Variants in TECTA observed in about 807,000 individuals in gnomAD.
TECTA encodes tectorin alpha.
Under a neutral mutation model 216.8 loss-of-function variants are expected in TECTA, and 128 were observed. The observed-to-expected ratio is 0.59, with a 90% CI of 0.51 to 0.68. TECTA has a LOEUF of 0.68. TECTA is among the 30% of genes least tolerant of loss of function. The pLI is 0.00. For missense variants in TECTA, 2,551 were observed against 2,786.2 expected (o/e 0.92, Z 1.90); for synonymous variants, 1,089 against 1,117.1 (o/e 0.97, Z 0.50).
At position 121,128,317 on chromosome 11, in the gene TECTA, A is replaced by G. The variant is rs761016058; in HGVS notation, c.2340A>G (p.Ile780Met). ...TGGTGGCCGACCAGGAGGTCAAGAT[A>G]GGAGGCATCGGGGCTTCGGAAGTCA... ...RILVADQEVK[I>M]GGIGASEVKL... Residue 780 changes from isoleucine to methionine, a missense_variant, in exon 9 of 24, where the codon ATA (isoleucine) becomes ATG (methionine). Physicochemically the swap from Ile to Met is conservative, Grantham distance 10 (BLOSUM62 1). Coordinates refer to ENST00000392793, the MANE Select transcript of TECTA (RefSeq NM_005422.4). 2.5e-6 allele frequency: 4 copies of G among 1,599,702 alleles called. 1 individual carries two copies. The South Asian group carries it at 4.4e-5, about 18-fold the overall frequency.
chr11:121,128,885 G>A (rs1418017489), intron 9 of TECTA, among the ~76,000 whole-genome samples: 1 of 152,148 alleles, frequency 6.6e-6, no homozygotes, highest in African/African-American at 2.4e-5. Context: ...CCATCATTAG[G>A]CACCCAGACT....
At position 121,128,097 on chromosome 11, in the gene TECTA, C is replaced by T; in HGVS notation, c.2120C>T (p.Pro707Leu). The change falls in exon 9 of 24, where the codon CCC becomes CTC. Residue 707 changes from proline to leucine, a missense_variant. Physicochemically the swap from Pro to Leu is moderately conservative, Grantham distance 98. Around this residue, in one of 3 missense-constraint regions of TECTA, gnomAD observed 2,375 missense variants for 2,563.9 expected, o/e 0.93. Coordinates refer to ENST00000392793, the MANE Select transcript of TECTA (RefSeq NM_005422.4). ...GAGGACGGCTACCAGGGCTGCTTCC[C>T]CAAGCGGGAGACCGTGTGCCTGCTC... ...AVEDGYQGCF[P>L]KRETVCLLSQ... 1.2e-6 allele frequency: 2 copies of T among 1,612,858 alleles called. No individual in the cohort carries two copies. Among genetic ancestry groups the T allele is most frequent in the Non-Finnish European group, 1.7e-6 (2 of 1,179,672 alleles).
rs529337686 is a variant in TECTA at position 121,127,629 on chromosome 11, C to A, written c.1775-123C>A. 3 of 1,107,358 alleles carry A rather than the reference C, an allele frequency of 2.7e-6. No individual in the cohort carries two copies. In the East Asian group the frequency reaches 7.1e-5, roughly 26 times the overall value. 68.6% of individuals were successfully genotyped at this position (1,107,358 alleles called of 1,614,324 possible). A position where few individuals can be genotyped will look rare whatever the true frequency, so the allele number is the denominator to read the frequency against. ...GATACAACCTCAATTCTGTCTTCCC[C>A]GAGTGGCCGCTTGACCCTCACTCTA... On this transcript the variant is annotated intron_variant, in intron 8 of 23. Transcript: ENST00000392793. This position sits in a 1 kb window ranked among gnomAD's most constrained non-coding sequence, Gnocchi z 5.0.
Position 121,166,653 on chromosome 11 carries a change from T to C in TECTA, c.5459T>C (p.Leu1820Pro), listed in dbSNP as rs1396045911. The C allele has an allele frequency of 6.2e-7, 1 of 1,614,038 alleles. No individual in the cohort carries two copies. Among genetic ancestry groups the C allele is most frequent in the African/African-American group, 1.3e-5 (1 of 74,896 alleles). ...GAAGTGTCCATATCTAAGTGCAAGC[T>C]CTTCCAGCTCGGTTTTGAGAGGGAG... Reference protein sequence around the residue: ...QMEVSISKCKLFQLGFEREGV... With the variant: ...QMEVSISKCKPFQLGFEREGV... Residue 1820 changes from leucine to proline, a missense_variant, in exon 18 of 24, where the codon CTC becomes CCC. By Grantham distance (98) the Leu-to-Pro change is moderately conservative. Transcript: ENST00000392793.
intron 12 of TECTA, chr11:121,146,342 C>A (rs1287743817): frequency 2.5e-5 from 15 of 593,030 alleles, no homozygotes; most frequent in Non-Finnish European, 4.2e-5. Context: ...TCATGGGTTA[C>A]CCTGAGGATG....
At chr11:121,167,995 A>G (rs1947071725) in intron 18 of TECTA, 59 bp from the exon 19 acceptor site, 1 of 1,596,574 alleles carries the variant, frequency 6.3e-7, no homozygotes, top group Non-Finnish European at 8.6e-7. Flanking sequence ...TGGATTTGAT[A>G]TGCAAGCTAC....
intron 20 of TECTA, among the ~76,000 whole-genome samples, chr11:121,185,466 A>G (rs1947275254): frequency 7.1e-6 from 1 of 141,596 alleles, no homozygotes; most frequent in East Asian, 2.0e-4. Flanking sequence ...TGCTTAATGA[A>G]TGAGTAGGGA....
Position 121,145,443 on chromosome 11 carries a change from A to C in TECTA, c.3544-112A>C, listed in dbSNP as rs1352381135. On this transcript the variant is annotated intron_variant, in intron 11 of 23. Transcript: ENST00000392793. ...ACAGTACATGCAAAGACTGCATTCA[A>C]CCTGCTCAAACTTCCCTCTGGGACT... is the stretch of plus-strand genomic sequence containing the variant. 3 of 1,110,046 alleles carry C rather than the reference A, an allele frequency of 2.7e-6. No homozygotes were observed. In the Admixed American group the frequency reaches 5.1e-5, roughly 19 times the overall value. The allele number at this position is 1,110,046 out of a possible 1,614,324, so 68.8% of individuals were successfully genotyped here. A position where few individuals can be genotyped will look rare whatever the true frequency, so the allele number is the denominator to read the frequency against.
At chr11:121,151,284 G>A (rs1437437836) in intron 12 of TECTA, among the ~76,000 whole-genome samples, 1 of 152,166 alleles carries the variant, frequency 6.6e-6, no homozygotes, top group African/African-American at 2.4e-5. Context: ...ATTTCACCCA[G>A]TAATTCCACT....
chr11:121,109,476 A>G lies in TECTA; in HGVS notation c.464A>G (p.Tyr155Cys). ...GTGACATGGGAGGAAGTCACGTTTT[A>G]TGGAGGCAGCAGCACCACACCTGTA... ...FIVTWEEVTFYGGSSTTPVNT... is the reference protein window; with the variant it reads ...FIVTWEEVTFCGGSSTTPVNT... The change falls in exon 4 of 24, where the codon TAT (tyrosine) becomes TGT (cysteine). Residue 155 changes from tyrosine to cysteine, a missense_variant. Around this residue, in one of 3 missense-constraint regions of TECTA, gnomAD observed 2,375 missense variants for 2,563.9 expected, o/e 0.93. Transcript: ENST00000392793. 1 of 1,614,166 alleles carries G rather than the reference A, an allele frequency of 6.2e-7. No individual in the cohort carries two copies. Among genetic ancestry groups the G allele is most frequent in the Non-Finnish European group, 8.5e-7 (1 of 1,180,022 alleles).
At chr11:121,184,848 G>A (rs1314586445) in intron 20 of TECTA, among the ~76,000 whole-genome samples, 2 of 152,208 alleles carry the variant, frequency 1.3e-5, no homozygotes, top group African/African-American at 2.4e-5. Flanking sequence ...AAGGGAAAGG[G>A]AGGGACGTGG....
chr11:121,124,274 C>T (rs985796541), intron 7 of TECTA, among the ~76,000 whole-genome samples: 3 of 152,128 alleles, frequency 2.0e-5, no homozygotes, highest in African/African-American at 2.4e-5. Flanking sequence ...GGCATAAATG[C>T]GTATTTGTAG....
At chr11:121,190,011 G>C (rs1341950044) in intron 23 of TECTA, 131 bp downstream of exon 23, 1 of 737,420 alleles carries the variant, frequency 1.4e-6, no homozygotes, top group South Asian at 1.5e-5. Flanking sequence ...AATTAAGAAG[G>C]AAAGATGGGG....
At chr11:121,122,197 GGT>G (rs2135072648) in intron 7 of TECTA, among the ~76,000 whole-genome samples, 1 of 152,248 alleles carries the variant, frequency 6.6e-6, no homozygotes, top group Admixed American at 6.5e-5. Context: ...CTAAGGTGAT[GGT>G]ATAAGGAGGT....
chr11:121,148,799 T>C (rs958997455), intron 12 of TECTA, among the ~76,000 whole-genome samples: 3 of 152,250 alleles, frequency 2.0e-5, no homozygotes, highest in Admixed American at 2.0e-4. Flanking sequence ...TATTACTCAA[T>C]TACCTTATTT....
chr11:121,114,585 C>A (rs1946478551), intron 6 of TECTA, among the ~76,000 whole-genome samples: 1 of 130,894 alleles, frequency 7.6e-6, no homozygotes. Flanking sequence ...AGCTACCCAC[C>A]CACCCACCCA....
chr11:121,159,481 G>A (rs1946977297), intron 14 of TECTA, among the ~76,000 whole-genome samples: 1 of 152,214 alleles, frequency 6.6e-6, no homozygotes, highest in African/African-American at 2.4e-5. Context: ...AGCCTGGGGA[G>A]AATAGTTTTA....
intron 11 of TECTA, among the ~76,000 whole-genome samples, chr11:121,144,715 A>C (rs1336040126): frequency 6.6e-6 from 1 of 152,162 alleles, no homozygotes; most frequent in East Asian, 1.9e-4. Context: ...GGGAGGAAAC[A>C]TATGTCAAGT....
rs4936578 is a variant in TECTA at position 121,128,549 on chromosome 11, A to G, written c.2367+205A>G. 0.22 allele frequency among the ~76,000 whole-genome samples: 33,656 copies of G among 152,226 alleles called. 4,334 individuals carry two copies. The highest frequency in any genetic ancestry group is 0.34 in the African/African-American group (13,977 of 41,506). ...ATGGCATGCAGCTGGGATTTCTCCA[A>G]TTAGATAGAGCAGGACTAGCTCTCC... On this transcript the variant is annotated intron_variant, in intron 9 of 23. Coordinates refer to ENST00000392793, the MANE Select transcript of TECTA (RefSeq NM_005422.4).
Sources: gnomAD v4.1 joint callset for allele counts (sites outside exome capture counted in the v4.1 genomes callset) on GRCh38, gnomAD v4.1.1 for gene constraint, gnomAD v4.1.1 regional missense constraint, Gnocchi (gnomAD v3.1) non-coding constraint, MANE v1.5 for transcripts, NCBI Gene and HGNC (gene_info 2026-07-23, HGNC 2026-07-21) for gene names.